Variants in SLIT3 observed in about 807,000 individuals in gnomAD.
SLIT3 encodes slit homolog 3 protein.
In SLIT3, 68 loss-of-function variants were observed where a neutral mutation model predicts 184.0. The ratio of observed to expected loss-of-function variants is 0.37; its 90% CI spans 0.30 to 0.45. The LOEUF (loss-of-function observed/expected upper bound fraction) is 0.45, where lower values mean the gene tolerates loss of function less well. SLIT3 is among the 20% of genes least tolerant of loss of function. SLIT3 has a pLI of 1.00. For missense variants in SLIT3, 1,707 were observed against 2,026.0 expected, an observed-to-expected ratio of 0.84 and a Z score of 3.02; for synonymous variants, 831 against 828.6, an observed-to-expected ratio of 1.00 and a Z score of -0.05.
intron 12 of SLIT3, among the ~76,000 whole-genome samples, chr5:168,779,607 T>C (rs1045340090): frequency 2.0e-5 from 3 of 152,194 alleles, no homozygotes; most frequent in African/African-American, 7.2e-5. Flanking sequence ...TGCTGAGAGC[T>C]CTTGCTTTCT....
rs1430290285 is a variant in SLIT3, at chr5:168,850,884, T to G, written c.486-6229A>C. Among the ~76,000 whole-genome samples, 5 of 152,190 alleles carry G rather than the reference T, an allele frequency of 3.3e-5. No individual in the cohort carries two copies. In the East Asian group the frequency reaches 9.6e-4, roughly 29 times the overall value. ...TAGCCACAAAGAGGCACACCAGACC[T>G]TGGAGAATAAAGAGGTGTTTTACAC... On this transcript the variant is annotated intron_variant, in intron 5 of 35. Transcript: ENST00000519560.
At chr5:168,970,729 G>C (rs562178065) in intron 4 of SLIT3, among the ~76,000 whole-genome samples, 1 of 152,194 alleles carries the variant, frequency 6.6e-6, no homozygotes, top group South Asian at 2.1e-4. Context: ...CTCCCACCCT[G>C]AAACCAGAAA....
intron 4 of SLIT3, among the ~76,000 whole-genome samples, chr5:169,153,513 C>G (rs1424730036): frequency 6.6e-6 from 1 of 152,236 alleles, no homozygotes; most frequent in Non-Finnish European, 1.5e-5. Context: ...AGTTTGCTGT[C>G]TTACTCTCTC....
intron 4 of SLIT3, among the ~76,000 whole-genome samples, chr5:168,913,689 C>T (rs1388113770): frequency 6.8e-6 from 1 of 148,118 alleles, no homozygotes; most frequent in East Asian, 2.0e-4. Flanking sequence ...TGCAGTGAGC[C>T]CAGATGGCAC....
intron 4 of SLIT3, among the ~76,000 whole-genome samples, chr5:169,167,193 AC>A (rs1762666755): frequency 6.8e-6 from 1 of 147,752 alleles, no homozygotes; most frequent in African/African-American, 2.5e-5. Flanking sequence ...CAAAAACAAA[AC>A]AAAACAAAAA....
chr5:169,108,085 C>A (rs1352748099), intron 4 of SLIT3, among the ~76,000 whole-genome samples: 1 of 152,230 alleles, frequency 6.6e-6, no homozygotes, highest in Non-Finnish European at 1.5e-5. Flanking sequence ...AAAGTAGGAG[C>A]CCTGCTTGTT....
At chr5:168,713,199 G>A (rs1375050705) in intron 23 of SLIT3, among the ~76,000 whole-genome samples, 1 of 152,174 alleles carries the variant, frequency 6.6e-6, no homozygotes. Context: ...GCACTTGTGT[G>A]CACCTGAGTG....
intron 5 of SLIT3, among the ~76,000 whole-genome samples, chr5:168,865,316 C>A (rs900077966): frequency 2.0e-5 from 3 of 152,042 alleles, no homozygotes; most frequent in Non-Finnish European, 4.4e-5. Flanking sequence ...TTCGTAATAA[C>A]CCAAATTTGG....
intron 12 of SLIT3, among the ~76,000 whole-genome samples, chr5:168,780,500 T>C (rs1387923620): frequency 6.6e-6 from 1 of 152,246 alleles, no homozygotes; most frequent in East Asian, 1.9e-4. Flanking sequence ...TAACCCTTTC[T>C]CTAGCTCCTT....
chr5:168,800,878 T>A lies in SLIT3; in HGVS notation c.936-5300A>T, dbSNP rs150417106. On this transcript the variant is annotated intron_variant, in intron 9 of 35. Coordinates refer to ENST00000519560, the MANE Select transcript of SLIT3 (RefSeq NM_003062.4). ...AATTGCATGGGAACTTGAGACTAAA[T>A]CGTTCTGTGATGACACACACATATA... 1.4e-4 allele frequency among the ~76,000 whole-genome samples: 22 copies of A among 152,376 alleles called. 1 individual carries two copies. The East Asian group carries it at 4.2e-3, about 29-fold the overall frequency.
chr5:168,667,237 A>G (rs543878673), intron 35 of SLIT3, among the ~76,000 whole-genome samples: 2 of 152,306 alleles, frequency 1.3e-5, no homozygotes, highest in East Asian at 3.9e-4. Context: ...ACCACTCCCA[A>G]TAGTCTGTCT....
chr5:169,238,352 A>G (rs1765270090), intron 3 of SLIT3, among the ~76,000 whole-genome samples: 1 of 152,006 alleles, frequency 6.6e-6, no homozygotes, highest in Admixed American at 6.6e-5. Context: ...GTTTTCAACT[A>G]TTCTATTACA....
chr5:168,924,378 T>G (rs970941714), intron 4 of SLIT3, among the ~76,000 whole-genome samples: 1 of 152,106 alleles, frequency 6.6e-6, no homozygotes, highest in African/African-American at 2.4e-5. Flanking sequence ...CCTCCATCTC[T>G]CTCACTCCTC....
At chr5:168,733,800 T>A (rs201358552) in intron 20 of SLIT3, among the ~76,000 whole-genome samples, 6 of 145,232 alleles carry the variant, frequency 4.1e-5, no homozygotes, top group Admixed American at 1.4e-4. Context: ...AAAAAAAAAT[T>A]AAAAAAAAAA....
intron 1 of SLIT3, among the ~76,000 whole-genome samples, chr5:169,277,202 G>A (rs1766838903): frequency 6.6e-6 from 1 of 151,994 alleles, no homozygotes; most frequent in Non-Finnish European, 1.5e-5. Flanking sequence ...ATTTTACTTA[G>A]CATAATCTCT....
chr5:169,037,515 A>C (rs1757297914), intron 4 of SLIT3, among the ~76,000 whole-genome samples: 1 of 152,212 alleles, frequency 6.6e-6, no homozygotes, highest in Non-Finnish European at 1.5e-5. Flanking sequence ...CACTAATTAA[A>C]GTGTCAGGAT....
chr5:169,141,811 A>C (rs1465022164), intron 4 of SLIT3, among the ~76,000 whole-genome samples: 1 of 150,616 alleles, frequency 6.6e-6, no homozygotes, highest in Non-Finnish European at 1.5e-5. Flanking sequence ...CAGCACTTTG[A>C]GAGGCCGAGG....
chr5:168,852,029 T>C (rs1758698991), intron 5 of SLIT3, among the ~76,000 whole-genome samples: 2 of 152,204 alleles, frequency 1.3e-5, no homozygotes, highest in South Asian at 2.1e-4. Context: ...AATTAGAATT[T>C]CTTTGTAAGA....
intron 4 of SLIT3, among the ~76,000 whole-genome samples, chr5:169,057,554 G>T (rs949834514): frequency 6.6e-6 from 1 of 152,230 alleles, no homozygotes; most frequent in African/African-American, 2.4e-5. Context: ...TAAGAATAGG[G>T]AGTCAGAGGC....
Sources: gnomAD v4.1 joint callset for allele counts (sites outside exome capture counted in the v4.1 genomes callset) on GRCh38, gnomAD v4.1.1 for gene constraint, MANE v1.5 for transcripts, NCBI Gene and HGNC (gene_info 2026-07-23, HGNC 2026-07-21) for gene names.